CCSER1: variants seen among roughly 807,000 people sequenced by gnomAD.
CCSER1 encodes coiled-coil serine rich protein 1, also known as serine-rich coiled-coil domain-containing protein 1.
CCSER1 carries 41 observed loss-of-function variants against 82.0 expected under a neutral mutation model. The observed-to-expected ratio is 0.50, with a 90% CI of 0.39 to 0.65. The LOEUF is 0.65. CCSER1 is among the 30% of genes least tolerant of loss of function. The pLI, the probability that CCSER1 is intolerant of heterozygous loss-of-function variation, is 0.00. For synonymous variants in CCSER1, 414 were observed against 383.9 expected (o/e 1.08, Z -0.92); for missense variants, 1,119 against 1,064.2 (o/e 1.05, Z -0.72).
chr4:90,363,850 T>C (rs1056287149), intron 3 of CCSER1, among the ~76,000 whole-genome samples: 9 of 152,106 alleles, frequency 5.9e-5, no homozygotes, highest in Non-Finnish European at 1.3e-4. Flanking sequence ...TGGAAAAATT[T>C]TCCTATAGAT....
At chr4:90,550,923 A>T (rs1777395588) in intron 5 of CCSER1, among the ~76,000 whole-genome samples, 1 of 152,120 alleles carries the variant, frequency 6.6e-6, no homozygotes, top group African/African-American at 2.4e-5. Flanking sequence ...CTGAATATGA[A>T]ATTCATGCTA....
chr4:90,787,373 T>C (rs1754655883), intron 7 of CCSER1, among the ~76,000 whole-genome samples: 2 of 152,194 alleles, frequency 1.3e-5, no homozygotes, highest in South Asian at 4.1e-4. Context: ...CCAGGAACTG[T>C]GGATGAAAAC....
intron 6 of CCSER1, among the ~76,000 whole-genome samples, chr4:90,700,402 G>C (rs1476377203): frequency 6.6e-6 from 1 of 152,106 alleles, no homozygotes; most frequent in Non-Finnish European, 1.5e-5. Flanking sequence ...TGGACATTTG[G>C]GTTGGTTCCA....
chr4:90,609,360 C>T (rs17017275), intron 5 of CCSER1, among the ~76,000 whole-genome samples: 1,926 of 152,148 alleles, frequency 0.013, 23 homozygotes, highest in South Asian at 0.018. Context: ...TAAAAGGAAT[C>T]ATATGTCAGT....
At chr4:91,041,685 A>G (rs1386026285) in intron 9 of CCSER1, among the ~76,000 whole-genome samples, 1 of 152,198 alleles carries the variant, frequency 6.6e-6, no homozygotes, top group Non-Finnish European at 1.5e-5. Flanking sequence ...CACAAATGAA[A>G]CAGAACAGAT....
At chr4:90,887,818 G>C (rs1454870826) in intron 8 of CCSER1, among the ~76,000 whole-genome samples, 5 of 152,068 alleles carry the variant, frequency 3.3e-5, no homozygotes, top group African/African-American at 1.2e-4. Flanking sequence ...GGAGGCAGAG[G>C]TTGCAGTGAG....
chr4:90,520,365 T>A (rs1292738437), intron 5 of CCSER1, among the ~76,000 whole-genome samples: 2 of 152,010 alleles, frequency 1.3e-5, no homozygotes, highest in Non-Finnish European at 2.9e-5. Context: ...CATAAATTAG[T>A]TTTAAATTAT....
intron 7 of CCSER1, among the ~76,000 whole-genome samples, chr4:90,769,587 A>C (rs995472336): frequency 2.6e-5 from 4 of 152,188 alleles, no homozygotes; most frequent in Non-Finnish European, 4.4e-5. Context: ...TCTGAACAGA[A>C]ATGTTTAAAG....
intron 8 of CCSER1, among the ~76,000 whole-genome samples, chr4:90,918,949 G>A (rs1727947454): frequency 6.6e-6 from 1 of 151,612 alleles, no homozygotes; most frequent in Admixed American, 6.6e-5. Flanking sequence ...TTAACTCTAT[G>A]TTGACTTTAT....
chr4:90,462,471 G>C (rs566338171), intron 4 of CCSER1, among the ~76,000 whole-genome samples: 6 of 152,148 alleles, frequency 3.9e-5, no homozygotes, highest in Non-Finnish European at 7.3e-5. Context: ...AAAGCTAACA[G>C]ACTATGGACT....
intron 5 of CCSER1, among the ~76,000 whole-genome samples, chr4:90,601,318 ATATT>A (rs1473288605): frequency 6.6e-6 from 1 of 151,652 alleles, no homozygotes; most frequent in Non-Finnish European, 1.5e-5. Flanking sequence ...TGTTTAATAT[ATATT>A]TAGATATCCT....
At chr4:90,135,474 A>G (rs1248253924) in intron 1 of CCSER1, among the ~76,000 whole-genome samples, 5 of 152,158 alleles carry the variant, frequency 3.3e-5, no homozygotes, top group Non-Finnish European at 5.9e-5. Context: ...AGAAAACACA[A>G]CACTTTCCTG....
chr4:90,539,787 AT>A (rs1363783735), intron 5 of CCSER1, among the ~76,000 whole-genome samples: 1 of 152,170 alleles, frequency 6.6e-6, no homozygotes, highest in African/African-American at 2.4e-5. Context: ...GACTGGCTAA[AT>A]GAATAAATAA....
intron 10 of CCSER1, among the ~76,000 whole-genome samples, chr4:91,430,615 T>C (rs1754241037): frequency 6.6e-6 from 1 of 152,238 alleles, no homozygotes; most frequent in South Asian, 2.1e-4. Context: ...CTTTGAAATA[T>C]GATTGTTTTC....
intron 10 of CCSER1, among the ~76,000 whole-genome samples, chr4:91,547,709 A>G (rs1761961061): frequency 1.3e-5 from 2 of 152,130 alleles, no homozygotes; most frequent in African/African-American, 2.4e-5. Context: ...AATATGTATC[A>G]TATTTGTTTC....
rs78813821 is a variant in CCSER1, at chr4:91,143,068, G to A, written c.2217+57074G>A. 2.6e-3 allele frequency among the ~76,000 whole-genome samples: 391 copies of A among 152,160 alleles called. 2 individuals are homozygous for A. Among genetic ancestry groups the A allele is most frequent in the African/African-American group, 9.0e-3 (375 of 41,532 alleles). On this transcript the variant is annotated intron_variant, in intron 10 of 10. Transcript: ENST00000509176. ...GTGTTGAATCTGTAGATTGCTTTGGGCAGTAGGGCCATTTTAAGGACATTG... is the reference window on the plus strand; with the variant it reads ...GTGTTGAATCTGTAGATTGCTTTGGACAGTAGGGCCATTTTAAGGACATTG...
intron 1 of CCSER1, among the ~76,000 whole-genome samples, chr4:90,255,870 T>A (rs1219180189): frequency 2.0e-5 from 3 of 152,148 alleles, no homozygotes; most frequent in Non-Finnish European, 2.9e-5. Flanking sequence ...CACCCAATTG[T>A]CACAATAGGT....
At chr4:90,321,294 A>G (rs1418803321) in intron 3 of CCSER1, among the ~76,000 whole-genome samples, 1 of 152,122 alleles carries the variant, frequency 6.6e-6, no homozygotes, top group Non-Finnish European at 1.5e-5. Flanking sequence ...GCTCCTGTAT[A>G]TGAGTAAGAA....
chr4:91,521,972 T>C (rs1209304958), intron 10 of CCSER1, among the ~76,000 whole-genome samples: 3 of 152,236 alleles, frequency 2.0e-5, no homozygotes, highest in Non-Finnish European at 4.4e-5. Context: ...ATGTCCTGAA[T>C]GGTATTGCCT....
Sources: gnomAD v4.1 joint callset for allele counts (sites outside exome capture counted in the v4.1 genomes callset) on GRCh38, gnomAD v4.1.1 for gene constraint, MANE v1.5 for transcripts, NCBI Gene and HGNC (gene_info 2026-07-23, HGNC 2026-07-21) for gene names.